SERPINB11: variants seen among roughly 807,000 people sequenced by gnomAD.
The protein encoded by SERPINB11 is serpin family B member 11, also known as serpin B11.
A neutral mutation model predicts 36.7 loss-of-function variants in SERPINB11; 32 were observed. That is an observed-to-expected ratio of 0.87 (90% CI 0.66 to 1.17). The LOEUF is 1.17. Among genes scored for constraint, SERPINB11 ranks in the 50% most tolerant of loss-of-function variants. The probability of loss-of-function intolerance (pLI) is 0.00; values close to 1 mark genes in which losing one functional copy is unlikely to be tolerated. For missense variants in SERPINB11, 528 were observed against 458.4 expected (o/e 1.15, Z -1.39); for synonymous variants, 174 against 168.1 (o/e 1.04, Z -0.27).
intron 3 of SERPINB11, among the ~76,000 whole-genome samples, chr18:63,711,969 G>T (rs768388721): frequency 6.6e-6 from 1 of 152,122 alleles, no homozygotes; most frequent in East Asian, 1.9e-4. Context: ...ACTACTAAAA[G>T]TTCAAAGTCC....
rs757623632 is a variant in SERPINB11 at position 63,720,124 on chromosome 18, A to G, written c.587A>G (p.Glu196Gly). Residue 196 changes from glutamate to glycine, a missense_variant, in exon 6 of 8, where the codon GAG becomes GGG. Physicochemically the swap from Glu to Gly is moderately conservative, Grantham distance 98 (BLOSUM62 -2). Coordinates refer to ENST00000544088, the MANE Select transcript of SERPINB11 (RefSeq NM_001370475.1). ...GQWQNKFQVR[E>G]TVKSPFQLSE... Reference sequence around the variant, plus strand: ...TGGCAAAATAAATTTCAAGTAAGAGAGACAGTTAAAAGTCCTTTTCAGCTA... The same window carrying G: ...TGGCAAAATAAATTTCAAGTAAGAGGGACAGTTAAAAGTCCTTTTCAGCTA... 6.2e-7 allele frequency: 1 copy of G among 1,608,532 alleles called. No homozygotes were observed. Among genetic ancestry groups the G allele is most frequent in the South Asian group, 1.1e-5 (1 of 90,762 alleles).
At chr18:63,717,154 G>GC (rs1555688533) in intron 5 of SERPINB11, among the ~76,000 whole-genome samples, 2 of 151,624 alleles carry the variant, frequency 1.3e-5, no homozygotes, top group African/African-American at 2.4e-5. Context: ...AGTTATGTGG[G>GC]TTTTTTTTAG....
At chr18:63,721,118 C>G in intron 7 of SERPINB11, 132 bp downstream of exon 7, 5 of 888,776 alleles carry the variant, frequency 5.6e-6, no homozygotes, top group Non-Finnish European at 8.4e-6. Flanking sequence ...GTAGGATTGT[C>G]CCGGGGGTGT....
intron 1 of SERPINB11, among the ~76,000 whole-genome samples, chr18:63,707,573 C>T (rs1914404202): frequency 6.6e-6 from 1 of 152,162 alleles, no homozygotes; most frequent in Non-Finnish European, 1.5e-5. Context: ...CATGTATATA[C>T]CTAGGTGATG....
rs1331713706 is a variant in SERPINB11, at chr18:63,720,248, T to C, written c.618+93T>C. Reference sequence around the variant, plus strand: ...GAAAGATGTAGTGATTTAGTGAAAATATTGGTCTAGGTTTCTGTTGGTTCT... The same window carrying C: ...GAAAGATGTAGTGATTTAGTGAAAACATTGGTCTAGGTTTCTGTTGGTTCT... On this transcript the variant is annotated intron_variant, in intron 6 of 7. Coordinates refer to ENST00000544088, the MANE Select transcript of SERPINB11 (RefSeq NM_001370475.1). 4 of 1,139,278 alleles carry C rather than the reference T, an allele frequency of 3.5e-6. No homozygotes were observed. The Admixed American group carries it at 1.0e-4, about 30-fold the overall frequency. The allele number at this position is 1,139,278 out of a possible 1,614,324, so 70.6% of individuals were successfully genotyped here.
intron 5 of SERPINB11, 142 bp downstream of exon 5, chr18:63,716,294 A>G (rs962791425): frequency 1.9e-6 from 1 of 514,542 alleles, no homozygotes; most frequent in Non-Finnish European, 3.4e-6. Flanking sequence ...ATATTTTGGA[A>G]TACCCCTTAC....
At chr18:63,703,031 A>G (rs1156575809) in intron 1 of SERPINB11, 25 bp downstream of exon 1, 2 of 152,222 alleles carry the variant, frequency 1.3e-5, no homozygotes, top group Non-Finnish European at 2.9e-5. Flanking sequence ...TCTGTACGTT[A>G]TTATCTCAGC....
chr18:63,713,830 T>G (rs903997445), intron 4 of SERPINB11, among the ~76,000 whole-genome samples: 4 of 152,198 alleles, frequency 2.6e-5, no homozygotes, highest in Admixed American at 6.5e-5. Context: ...CATGATGACA[T>G]CTGTTCCAGA....
intron 4 of SERPINB11, among the ~76,000 whole-genome samples, chr18:63,713,948 T>C (rs540419863): frequency 3.3e-5 from 5 of 152,308 alleles, no homozygotes; most frequent in Admixed American, 1.3e-4. Flanking sequence ...TCCTGGGCTA[T>C]GGAGAGTTAC....
intron 1 of SERPINB11, among the ~76,000 whole-genome samples, chr18:63,708,235 T>G (rs780157888): frequency 3.3e-5 from 5 of 152,218 alleles, no homozygotes; most frequent in Non-Finnish European, 7.3e-5. Context: ...TGTCTTCTTC[T>G]CTGAGTAAAA....
In SERPINB11 at chr18:63,710,261, A is replaced by G. The variant is rs144126106; in HGVS notation, c.68A>G (p.Asn23Ser). The G allele has an allele frequency of 2.3e-4, 373 of 1,613,852 alleles. 1 individual carries two copies. The African/African-American group carries it at 4.1e-3, about 18-fold the overall frequency. Residue 23 changes from asparagine (N) to serine (S), a missense_variant, in exon 2 of 8, where the codon AAC (asparagine) becomes AGC (serine). Physicochemically the swap from Asn to Ser is conservative, Grantham distance 46. Coordinates refer to ENST00000544088, the MANE Select transcript of SERPINB11 (RefSeq NM_001370475.1). ...LDVFKELNSN[N>S]IGDNIFFSSL... The stretch of plus-strand genomic sequence containing the variant: ...GTGTTCAAAGAGCTGAACAGTAACA[A>G]CATAGGAGATAACATCTTCTTTTCT...
At chr18:63,705,380 A>C (rs896523559) in intron 1 of SERPINB11, 1 of 152,236 alleles carries the variant, frequency 6.6e-6, no homozygotes, top group Non-Finnish European at 1.5e-5. Flanking sequence ...CATTTATGAA[A>C]ATTTAAAAAT....
rs1222729472 is a variant in SERPINB11 at position 63,720,033 on chromosome 18, G to C, written c.496G>C (p.Gly166Arg). 21 of 1,602,108 alleles carry C rather than the reference G, an allele frequency of 1.3e-5. No individual in the cohort carries two copies. The highest frequency in any genetic ancestry group is 1.8e-5 in the Non-Finnish European group (21 of 1,175,990). Residue 166 changes from glycine (G) to arginine (R), a missense_variant, in exon 6 of 8, where the codon GGA (glycine) becomes CGA (arginine). Transcript: ENST00000544088. ...KTNGKVANLF[G>R]KSTIDPSSVM... ...ACAAGGAAAAGTCGCAAATCTCTTTGGAAAGAGCACAATTGACCCTTCATC... is the reference window on the plus strand; with the variant it reads ...ACAAGGAAAAGTCGCAAATCTCTTTCGAAAGAGCACAATTGACCCTTCATC...
intron 5 of SERPINB11, among the ~76,000 whole-genome samples, chr18:63,718,820 T>G (rs540898255): frequency 1.3e-5 from 2 of 151,712 alleles, no homozygotes; most frequent in East Asian, 3.9e-4. Context: ...TCCATTATAT[T>G]ATTTGTATTA....
At chr18:63,716,507 G>A (rs1367783109) in intron 5 of SERPINB11, among the ~76,000 whole-genome samples, 1 of 151,944 alleles carries the variant, frequency 6.6e-6, no homozygotes, top group Non-Finnish European at 1.5e-5. Flanking sequence ...ATATACAAAG[G>A]TAAAGAGAAT....
chr18:63,720,196 A>G, intron 6 of SERPINB11, 41 bp downstream of exon 6: 3 of 1,531,404 alleles, frequency 2.0e-6, no homozygotes, highest in Non-Finnish European at 2.7e-6. Context: ...ATGTTGGAGG[A>G]TACAATAATC....
Position 63,716,035 on chromosome 18 carries a change from C to G in SERPINB11, c.358C>G (p.Gln120Glu). The change falls in exon 5 of 8, where the codon CAA (glutamine) becomes GAA (glutamate). Residue 120 changes from glutamine (Q) to glutamate (E), a missense_variant and splice_region_variant. Physicochemically the swap from Gln to Glu is conservative, Grantham distance 29. Transcript: ENST00000544088. The stretch of plus-strand genomic sequence containing the variant: ...TGTTCAATTATCATGTCTTTCATAG[C>G]AATATTTAAGCTGTTCTGAGAAATG... ...YGTKTMAFHQQYLSCSEKWYQ... is the reference protein window; with the variant it reads ...YGTKTMAFHQEYLSCSEKWYQ... 6.3e-7 allele frequency: 1 copy of G among 1,587,442 alleles called. No homozygotes were observed. The highest frequency in any genetic ancestry group is 8.6e-7 in the Non-Finnish European group (1 of 1,158,770).
intron 1 of SERPINB11, among the ~76,000 whole-genome samples, chr18:63,708,460 G>A (rs1235505026): frequency 6.6e-6 from 1 of 152,098 alleles, no homozygotes; most frequent in Non-Finnish European, 1.5e-5. Flanking sequence ...GGGGAAAACA[G>A]GATTTTTTCA....
At chr18:63,703,925 T>C (rs1389338751) in intron 1 of SERPINB11, among the ~76,000 whole-genome samples, 1 of 151,666 alleles carries the variant, frequency 6.6e-6, no homozygotes, top group East Asian at 1.9e-4. Flanking sequence ...CTTTTCTTCG[T>C]TTCTGTCATA....
Sources: gnomAD v4.1 joint callset for allele counts (sites outside exome capture counted in the v4.1 genomes callset) on GRCh38, gnomAD v4.1.1 for gene constraint, MANE v1.5 for transcripts, NCBI Gene and HGNC (gene_info 2026-07-23, HGNC 2026-07-21) for gene names.